EZH1: variants seen among roughly 807,000 people sequenced by gnomAD.
EZH1 encodes the protein histone-lysine N-methyltransferase EZH1.
A neutral mutation model predicts 100.5 loss-of-function variants in EZH1; 33 were observed. That is an observed-to-expected ratio of 0.33 (90% CI 0.25 to 0.44). The LOEUF (loss-of-function observed/expected upper bound fraction) is 0.44. Among genes scored for constraint, EZH1 ranks in the 20% least tolerant of loss-of-function variants. The pLI is 1.00. For missense variants in EZH1, 475 were observed against 928.4 expected, an observed-to-expected ratio of 0.51 and a Z score of 6.35; for synonymous variants, 272 against 313.8, an observed-to-expected ratio of 0.87 and a Z score of 1.41.
intron 1 of EZH1, among the ~76,000 whole-genome samples, chr17:42,733,344 A>G (rs1321275304): frequency 1.3e-5 from 2 of 151,354 alleles, no homozygotes; most frequent in Non-Finnish European, 2.9e-5. Context: ...TCTCAAAAAA[A>G]AAAAAAAAAA....
intron 1 of EZH1, among the ~76,000 whole-genome samples, chr17:42,741,645 C>G (rs1346601077): frequency 6.6e-6 from 1 of 152,196 alleles, no homozygotes; most frequent in African/African-American, 2.4e-5. Context: ...AGCCAGGTTT[C>G]AGACCCTAGG....
chr17:42,702,726 G>C (rs984416713), intron 20 of EZH1, 134 bp from the exon 21 acceptor site: 2 of 1,259,322 alleles, frequency 1.6e-6, no homozygotes, highest in Non-Finnish European at 2.3e-6. Flanking sequence ...CTGAGGCAAG[G>C]CACCAGATAT....
chr17:42,731,494 A>C (rs2053947808), intron 1 of EZH1, among the ~76,000 whole-genome samples: 1 of 152,090 alleles, frequency 6.6e-6, no homozygotes, highest in Admixed American at 6.6e-5. Context: ...ACAAACACTA[A>C]ATACATGTAA....
At chr17:42,717,149 G>A (rs141100040) in intron 10 of EZH1, among the ~76,000 whole-genome samples, 2 of 152,238 alleles carry the variant, frequency 1.3e-5, no homozygotes, top group Admixed American at 1.3e-4. Context: ...CACTGTTATA[G>A]GATGAAAATA....
intron 2 of EZH1, among the ~76,000 whole-genome samples, chr17:42,730,070 A>C (rs1734224162): frequency 6.6e-6 from 1 of 152,118 alleles, no homozygotes; most frequent in Non-Finnish European, 1.5e-5. Flanking sequence ...ACAAAACAAA[A>C]AAAAACAACA....
At chr17:42,710,077 T>C (rs1361237025) in intron 12 of EZH1, 140 bp from the exon 13 acceptor site, 7 of 672,796 alleles carry the variant, frequency 1.0e-5, no homozygotes, top group Non-Finnish European at 1.9e-5. Context: ...AGAGACAGAG[T>C]GCCACTGGAA....
At chr17:42,720,037 T>G (rs1385988995) in intron 7 of EZH1, among the ~76,000 whole-genome samples, 1 of 152,234 alleles carries the variant, frequency 6.6e-6, no homozygotes, top group Non-Finnish European at 1.5e-5. Context: ...GATCCCAATT[T>G]CACATGAGAC....
chr17:42,732,520 G>A (rs938553426), intron 1 of EZH1, among the ~76,000 whole-genome samples: 11 of 152,084 alleles, frequency 7.2e-5, no homozygotes, highest in African/African-American at 2.7e-4. Flanking sequence ...TGTAATCCCA[G>A]CACTTTGGGA....
At chr17:42,711,485 C>CA (rs917567578) in intron 12 of EZH1, among the ~76,000 whole-genome samples, 1 of 143,822 alleles carries the variant, frequency 7.0e-6, no homozygotes, top group African/African-American at 2.6e-5. Context: ...AAAAACAAAA[C>CA]AAAAAAAATT....
rs1307027394 is a variant in EZH1, at chr17:42,700,276, G to A, written c.*2256C>T. 6.5e-6 allele frequency: 1 copy of A among 152,706 alleles called. No individual in the cohort carries two copies. The highest frequency in any genetic ancestry group is 2.4e-5 in the African/African-American group (1 of 41,416). 9.5% of individuals were successfully genotyped at this position (152,706 alleles called of 1,614,324 possible). On this transcript the variant is annotated 3_prime_UTR_variant, in exon 21 of 21. Coordinates refer to ENST00000428826, the MANE Select transcript of EZH1 (RefSeq NM_001991.5). The stretch of plus-strand genomic sequence containing the variant: ...CACACAGTACACAACTTGCCAAAAT[G>A]GATTCTAACACTTTATTAAGAGGTC...
At chr17:42,703,075 T>C (rs1165436604) in intron 19 of EZH1, 114 bp from the exon 20 acceptor site, 1 of 1,013,552 alleles carries the variant, frequency 9.9e-7, no homozygotes, top group African/African-American at 1.6e-5. Context: ...TCAAATGGAA[T>C]TAGAAAGTAG....
intron 1 of EZH1, among the ~76,000 whole-genome samples, chr17:42,732,668 T>C (rs2053974786): frequency 6.6e-6 from 1 of 152,180 alleles, no homozygotes; most frequent in Non-Finnish European, 1.5e-5. Flanking sequence ...CTTGGGAGGC[T>C]GAGCCAGGAG....
At chr17:42,722,455 T>C (rs953579348) in intron 6 of EZH1, among the ~76,000 whole-genome samples, 1 of 151,546 alleles carries the variant, frequency 6.6e-6, no homozygotes, top group Admixed American at 6.6e-5. Context: ...TGAAACCCCA[T>C]CTCTACTAAA....
intron 14 of EZH1, 130 bp from the exon 15 acceptor site, chr17:42,708,213 T>C (rs1191365758): frequency 2.7e-6 from 3 of 1,116,256 alleles, no homozygotes; most frequent in African/African-American, 3.1e-5. Context: ...ATTTAGCACC[T>C]GAAGTGAGAA....
At chr17:42,732,494 C>T (rs1016950911) in intron 1 of EZH1, among the ~76,000 whole-genome samples, 4 of 151,602 alleles carry the variant, frequency 2.6e-5, no homozygotes, top group Non-Finnish European at 2.9e-5. Context: ...ATCGGCCGGG[C>T]GCGGTGGCTC....
At chr17:42,713,117 A>C in intron 11 of EZH1, 92 bp downstream of exon 11, 1 of 1,066,576 alleles carries the variant, frequency 9.4e-7, no homozygotes, top group Non-Finnish European at 1.4e-6. Context: ...ATAATTTTTA[A>C]GAGGTAGTAA....
Position 42,727,739 on chromosome 17 carries a change from T to C in EZH1, c.142A>G (p.Lys48Glu), listed in dbSNP as rs1267102173. 1.9e-6 allele frequency: 3 copies of C among 1,604,418 alleles called. No individual in the cohort carries two copies. The highest frequency in any genetic ancestry group is 2.3e-5 in the East Asian group (1 of 44,072). ...AGGATCTGGGTTTTTTCTTGAACCTTTGCAAAATTTGCCACATACAAAGCC... is the reference window on the plus strand; with the variant it reads ...AGGATCTGGGTTTTTTCTTGAACCTCTGCAAAATTTGCCACATACAAAGCC... The part of the protein sequence containing the change: ...AKALYVANFA[K>E]VQEKTQILNE... The change falls in exon 4 of 21, where the codon AAG (lysine) becomes GAG (glutamate). Residue 48 changes from lysine (K) to glutamate (E), a missense_variant. Physicochemically the swap from Lys to Glu is moderately conservative, Grantham distance 56. Around this residue, in one of 8 missense-constraint regions of EZH1, gnomAD observed 105 missense variants for 129.8 expected, o/e 0.81. Coordinates refer to ENST00000428826, the MANE Select transcript of EZH1 (RefSeq NM_001991.5).
intron 5 of EZH1, among the ~76,000 whole-genome samples, chr17:42,723,698 T>A (rs1240867461): frequency 6.6e-6 from 1 of 152,120 alleles, no homozygotes; most frequent in East Asian, 1.9e-4. Context: ...CAAGTAAAAT[T>A]ATTCTGAAGT....
At chr17:42,704,495 C>T in intron 18 of EZH1, 107 bp downstream of exon 18, 1 of 825,922 alleles carries the variant, frequency 1.2e-6, no homozygotes, top group Non-Finnish European at 1.9e-6. Context: ...CTACAGTGAG[C>T]CAAGATCGCA....
Sources: allele counts gnomAD v4.1 joint callset (sites outside exome capture counted in the v4.1 genomes callset), GRCh38; gene constraint gnomAD v4.1.1; regional missense constraint gnomAD v4.1.1; transcripts MANE v1.5; gene names NCBI Gene and HGNC (gene_info 2026-07-23, HGNC 2026-07-21).